The following UBALD2 variants were observed in gnomAD, a reference collection of about 807,000 sequenced individuals.
UBALD2 encodes UBA-like domain-containing protein 2.
Under a neutral mutation model 15.9 loss-of-function variants are expected in UBALD2, and 8 were observed. The ratio of observed to expected loss-of-function variants is 0.50; its 90% CI spans 0.29 to 0.91. The LOEUF (loss-of-function observed/expected upper bound fraction) is 0.91, where lower values mean the gene tolerates loss of function less well. Among genes scored for constraint, UBALD2 ranks in the 40% least tolerant of loss-of-function variants. The pLI, the probability that UBALD2 is intolerant of heterozygous loss-of-function variation, is 0.07. For synonymous variants in UBALD2, 113 were observed against 97.7 expected, an observed-to-expected ratio of 1.16 and a Z score of -0.93; for missense variants, 178 against 234.8, an observed-to-expected ratio of 0.76 and a Z score of 1.58.
Position 76,269,856 on chromosome 17 carries a change from G to A in UBALD2, c.184-338G>A, listed in dbSNP as rs2070572210. On this transcript the variant is annotated intron_variant, in intron 2 of 2. Transcript: ENST00000327490. This position sits in a 1 kb window ranked among gnomAD's most constrained non-coding sequence, Gnocchi z 4.6. ...GCTGGTCTCCCTGCCCAGGGAAGGTGCGGAACAGTGGTGTCCTGGGCTGCC... is the reference window on the plus strand; with the variant it reads ...GCTGGTCTCCCTGCCCAGGGAAGGTACGGAACAGTGGTGTCCTGGGCTGCC... Among the ~76,000 whole-genome samples the A allele has an allele frequency of 1.3e-5, 2 of 152,196 alleles. No individual in the cohort carries two copies. Among genetic ancestry groups the A allele is most frequent in the South Asian group, 4.1e-4 (2 of 4,830 alleles).
chr17:76,266,936 G>C (rs2070549932), intron 2 of UBALD2, among the ~76,000 whole-genome samples: 1 of 152,308 alleles, frequency 6.6e-6, no homozygotes, highest in South Asian at 2.1e-4. Context: ...TCTAGTCACA[G>C]AGGACAAGTA....
rs1318060389 is a variant in UBALD2, at chr17:76,270,416, C to T, written c.406C>T (p.Leu136Phe). The T allele has an allele frequency of 2.0e-6, 3 of 1,531,938 alleles. No individual in the cohort carries two copies. Among genetic ancestry groups the T allele is most frequent in the Admixed American group, 2.0e-5 (1 of 50,040 alleles). The allele number at this position is 1,531,938 out of a possible 1,614,324, so 94.9% of individuals were successfully genotyped here. ...CTCCTCCCCCACCACCTTCCACCACCTCCACCGCCCACAGCCCACGTGGCC... is the reference window on the plus strand; with the variant it reads ...CTCCTCCCCCACCACCTTCCACCACTTCCACCGCCCACAGCCCACGTGGCC... The part of the protein sequence containing the change: ...PPSSPTTFHH[L>F]HRPQPTWPPG... Residue 136 changes from leucine to phenylalanine, a missense_variant, in exon 3 of 3, where the codon CTC becomes TTC. Leu to Phe is a conservative substitution (Grantham distance 22). Coordinates refer to ENST00000327490, the MANE Select transcript of UBALD2 (RefSeq NM_182565.4).
In UBALD2 at chr17:76,265,631, A is replaced by C; in HGVS notation, c.120+6A>C. Reference sequence around the variant, plus strand: ...CGGCCCACTGGCAGTTCGAGGTGCGAGCCTGGCCGCCGCGGGGCCGGGCCG... The same window carrying C: ...CGGCCCACTGGCAGTTCGAGGTGCGCGCCTGGCCGCCGCGGGGCCGGGCCG... On this transcript the variant is annotated splice_donor_region_variant and intron_variant, in intron 1 of 2. Coordinates refer to ENST00000327490, the MANE Select transcript of UBALD2 (RefSeq NM_182565.4). 1.7e-6 allele frequency: 2 copies of C among 1,188,086 alleles called. No individual in the cohort carries two copies. Among genetic ancestry groups the C allele is most frequent in the Non-Finnish European group, 2.1e-6 (2 of 956,696 alleles). 73.6% of individuals were successfully genotyped at this position (1,188,086 alleles called of 1,614,324 possible). A position where few individuals can be genotyped will look rare whatever the true frequency, so the allele number is the denominator to read the frequency against.
rs1265009287 is a variant in UBALD2, at chr17:76,270,805, G to C, written c.*300G>C. On this transcript the variant is annotated 3_prime_UTR_variant, in exon 3 of 3. Transcript: ENST00000327490. ...GGGCCTGGCACACCTGGGGTGCTCGGGGGTAGGGCTGCCATGCTGCAGAGC... is the reference window on the plus strand; with the variant it reads ...GGGCCTGGCACACCTGGGGTGCTCGCGGGTAGGGCTGCCATGCTGCAGAGC... 9.1e-6 allele frequency: 2 copies of C among 219,896 alleles called. No individual in the cohort carries two copies. The highest frequency in any genetic ancestry group is 1.6e-4 in the South Asian group (1 of 6,372). 13.6% of individuals were successfully genotyped at this position (219,896 alleles called of 1,614,324 possible).
intron 2 of UBALD2, among the ~76,000 whole-genome samples, chr17:76,267,454 A>T (rs1250256312): frequency 6.7e-6 from 1 of 149,238 alleles, no homozygotes; most frequent in Non-Finnish European, 1.5e-5. Context: ...AGCACAGTGG[A>T]GGACACCATC....
Position 76,265,558 on chromosome 17 carries a change from T to C in UBALD2, c.53T>C (p.Val18Ala), listed in dbSNP as rs1279184044. 1 of 1,337,806 alleles carries C rather than the reference T, an allele frequency of 7.5e-7. No homozygotes were observed. Among genetic ancestry groups the C allele is most frequent in the Admixed American group, 2.3e-5 (1 of 43,190 alleles). The allele number at this position is 1,337,806 out of a possible 1,614,324, so 82.9% of individuals were successfully genotyped here. Reference protein sequence around the residue: ...LRHQVMINQFVLAAGCAADQA... With the variant: ...LRHQVMINQFALAAGCAADQA... ...CACCAGGTCATGATCAACCAGTTCGTGCTGGCCGCGGGCTGCGCGGCCGAC... is the reference window on the plus strand; with the variant it reads ...CACCAGGTCATGATCAACCAGTTCGCGCTGGCCGCGGGCTGCGCGGCCGAC... Residue 18 changes from valine to alanine, a missense_variant, in exon 1 of 3, where the codon GTG (valine) becomes GCG (alanine). Coordinates refer to ENST00000327490, the MANE Select transcript of UBALD2 (RefSeq NM_182565.4).
intron 2 of UBALD2, among the ~76,000 whole-genome samples, chr17:76,268,055 G>C (rs1378938796): frequency 6.6e-6 from 1 of 152,250 alleles, no homozygotes; most frequent in Non-Finnish European, 1.5e-5. Context: ...CAGAAGTCAT[G>C]AGTAACTGAT....
chr17:76,266,095 G>T, intron 2 of UBALD2, 126 bp downstream of exon 2: 1 of 1,270,984 alleles, frequency 7.9e-7, no homozygotes, highest in South Asian at 1.4e-5. Context: ...GGAAAGAGCG[G>T]CTCCCGGGCC....
At position 76,265,847 on chromosome 17, in the gene UBALD2, C is replaced by T. The variant is rs1313327183; in HGVS notation, c.121-60C>T. Reference sequence around the variant, plus strand: ...AGGCGGGGAGAGCCGGTGGGGGGCCCAGCCGCTGCGTTTCCTGACTCCGCC... The same window carrying T: ...AGGCGGGGAGAGCCGGTGGGGGGCCTAGCCGCTGCGTTTCCTGACTCCGCC... On this transcript the variant is annotated intron_variant, in intron 1 of 2. Coordinates refer to ENST00000327490, the MANE Select transcript of UBALD2 (RefSeq NM_182565.4). 4.5e-6 allele frequency: 7 copies of T among 1,548,276 alleles called. 1 individual carries two copies. Among genetic ancestry groups the T allele is most frequent in the South Asian group, 3.5e-5 (3 of 84,934 alleles).
chr17:76,267,879 G>A (rs926052886), intron 2 of UBALD2, among the ~76,000 whole-genome samples: 1 of 151,786 alleles, frequency 6.6e-6, no homozygotes, highest in Admixed American at 6.6e-5. Flanking sequence ...GGCTGGTCTC[G>A]AACTCCCAAC....
At chr17:76,266,358 G>C (rs1221357599) in intron 2 of UBALD2, among the ~76,000 whole-genome samples, 1 of 152,098 alleles carries the variant, frequency 6.6e-6, no homozygotes, top group African/African-American at 2.4e-5. Context: ...GGCGATGGGG[G>C]TGCTTGTGTT....
Position 76,270,474 on chromosome 17 carries a change from A to AAGCCATGGC in UBALD2, c.465_473dup (p.Ala158_Met160dup). On this transcript the variant is annotated inframe_insertion, in exon 3 of 3. Transcript: ENST00000327490. ...GCACAGCAGGGGGGCGCCCAGCAGA[A>AAGCCATGGC]AGCCATGGCGGCCATGGACGGCCAG... 6.8e-7 allele frequency: 1 copy of AAGCCATGGC among 1,478,934 alleles called. No individual in the cohort carries two copies. The highest frequency in any genetic ancestry group is 8.9e-7 in the Non-Finnish European group (1 of 1,117,674). The allele number at this position is 1,478,934 out of a possible 1,614,324, so 91.6% of individuals were successfully genotyped here.
In UBALD2 at chr17:76,270,918, C is replaced by T. The variant is rs898802255; in HGVS notation, c.*413C>T. The T allele has an allele frequency of 6.5e-6, 1 of 153,838 alleles. No homozygotes were observed. Among genetic ancestry groups the T allele is most frequent in the Non-Finnish European group, 1.4e-5 (1 of 69,228 alleles). The allele number at this position is 153,838 out of a possible 1,614,324, so 9.5% of individuals were successfully genotyped here. A position where few individuals can be genotyped will look rare whatever the true frequency, so the allele number is the denominator to read the frequency against. The stretch of plus-strand genomic sequence containing the variant: ...CTGGAATCTGGAAGAGGACACCACT[C>T]CTGCAGTCACTGGGCAGCCACATAG... On this transcript the variant is annotated 3_prime_UTR_variant, in exon 3 of 3. Transcript: ENST00000327490.
At position 76,265,382 on chromosome 17, in the gene UBALD2, C is replaced by A. The variant is rs1246976746; in HGVS notation, c.-124C>A. The A allele has an allele frequency of 6.6e-6, 6 of 906,438 alleles. No individual in the cohort carries two copies. In the South Asian group the frequency reaches 2.9e-4, roughly 44 times the overall value. 56.1% of individuals were successfully genotyped at this position (906,438 alleles called of 1,614,324 possible). On this transcript the variant is annotated 5_prime_UTR_variant, in exon 1 of 3. Transcript: ENST00000327490. ...GCCGGGCGGGCGGCGGCGGAGCGGG[C>A]GGCGGAGCGGCGGCAGCAGCGGTGA...
chr17:76,267,038 G>T (rs1364759582), intron 2 of UBALD2, among the ~76,000 whole-genome samples: 1 of 152,182 alleles, frequency 6.6e-6, no homozygotes, highest in Non-Finnish European at 1.5e-5. Flanking sequence ...AGTATGATGG[G>T]AGCATGGTGC....
chr17:76,266,914 T>C (rs2070549826), intron 2 of UBALD2, among the ~76,000 whole-genome samples: 1 of 152,210 alleles, frequency 6.6e-6, no homozygotes, highest in South Asian at 2.1e-4. Context: ...TGCCTTTGGC[T>C]CTCTGTTTTC....
At position 76,268,387 on chromosome 17, in the gene UBALD2, CG is replaced by C. The variant is rs1391300251; in HGVS notation, c.184-1803del. ...TGAGGAGACAGGCCTCGCTGGCTGG[CG>C]GGGAACTGGGGAAGTCGGTCACGAT... On this transcript the variant is annotated intron_variant, in intron 2 of 2. Coordinates refer to ENST00000327490, the MANE Select transcript of UBALD2 (RefSeq NM_182565.4). Among the ~76,000 whole-genome samples the C allele has an allele frequency of 2.6e-5, 4 of 151,874 alleles. No individual in the cohort carries two copies. In the East Asian group the frequency reaches 5.8e-4, roughly 22 times the overall value.
At position 76,265,977 on chromosome 17, in the gene UBALD2, G is replaced by A. The variant is rs1396353123; in HGVS notation, c.183+8G>A. 3.2e-6 allele frequency: 5 copies of A among 1,570,972 alleles called. No homozygotes were observed. Among genetic ancestry groups the A allele is most frequent in the Admixed American group, 1.9e-5 (1 of 53,700 alleles). ...CACCACCACCACCAGATGGTAAGCG[G>A]CGGCGGGCAGGGGCGCGGGCCGGGG... On this transcript the variant is annotated splice_region_variant and intron_variant, in intron 2 of 2. Transcript: ENST00000327490.
At chr17:76,266,075 A>C in intron 2 of UBALD2, 106 bp downstream of exon 2, 7 of 1,364,844 alleles carry the variant, frequency 5.1e-6, no homozygotes, top group South Asian at 1.3e-5. Context: ...AAGAGCCAAA[A>C]TGTCTTCCAG....
Sources: gnomAD v4.1 joint callset for allele counts (sites outside exome capture counted in the v4.1 genomes callset) on GRCh38, gnomAD v4.1.1 for gene constraint, Gnocchi (gnomAD v3.1) non-coding constraint, MANE v1.5 for transcripts, NCBI Gene and HGNC (gene_info 2026-07-23, HGNC 2026-07-21) for gene names.